TMEM63C: variants seen among roughly 807,000 people sequenced by gnomAD.
TMEM63C encodes the protein osmosensitive cation channel TMEM63C.
TMEM63C carries 32 observed loss-of-function variants against 99.2 expected under a neutral mutation model. That is an observed-to-expected ratio of 0.32 (90% CI 0.24 to 0.43). TMEM63C has a LOEUF of 0.43. TMEM63C is among the 20% of genes least tolerant of loss of function. The probability of loss-of-function intolerance (pLI) is 1.00; values close to 1 mark genes in which losing one functional copy is unlikely to be tolerated. For synonymous variants in TMEM63C, 376 were observed against 397.9 expected (o/e 0.94, Z 0.66); for missense variants, 826 against 1,053.0 (o/e 0.78, Z 2.98).
chr14:77,222,631 A>G (rs1594859273), intron 5 of TMEM63C, among the ~76,000 whole-genome samples: 2 of 152,058 alleles, frequency 1.3e-5, no homozygotes, highest in African/African-American at 4.8e-5. Context: ...CTGCCACATG[A>G]GTCCACCGTT....
chr14:77,187,565 T>G (rs147191899), intron 1 of TMEM63C, among the ~76,000 whole-genome samples: 3 of 152,206 alleles, frequency 2.0e-5, no homozygotes, highest in Non-Finnish European at 4.4e-5. Flanking sequence ...CAGCTTGTGC[T>G]GCACGGAGCA....
At chr14:77,253,936 C>T (rs954412807) in intron 23 of TMEM63C, among the ~76,000 whole-genome samples, 3 of 152,160 alleles carry the variant, frequency 2.0e-5, no homozygotes, top group Admixed American at 6.5e-5. Context: ...AGCACCCACC[C>T]GCATCCCTGC....
intron 3 of TMEM63C, 114 bp downstream of exon 3, chr14:77,219,077 C>A: frequency 8.2e-7 from 1 of 1,225,106 alleles, no homozygotes; most frequent in Non-Finnish European, 1.1e-6. Flanking sequence ...AACATTGATA[C>A]AAACTGCCTG....
intron 1 of TMEM63C, among the ~76,000 whole-genome samples, chr14:77,193,769 A>G (rs561917135): frequency 1.3e-5 from 2 of 151,856 alleles, no homozygotes; most frequent in African/African-American, 4.8e-5. Flanking sequence ...GGGAGGCAGA[A>G]GTTGCAGTAA....
chr14:77,194,149 A>G (rs1423645157), intron 1 of TMEM63C, among the ~76,000 whole-genome samples: 1 of 152,260 alleles, frequency 6.6e-6, no homozygotes, highest in Admixed American at 6.5e-5. Flanking sequence ...ATCAACAAGG[A>G]CAGATTCACA....
At position 77,251,455 on chromosome 14, in the gene TMEM63C, G is replaced by A. The variant is rs1889359159; in HGVS notation, c.2039-334G>A. The stretch of plus-strand genomic sequence containing the variant: ...AAAGGTGTAGGTCAGAGATGGCGTT[G>A]GGGGCACTGGCAGAAATAGTCACTC... On this transcript the variant is annotated intron_variant, in intron 21 of 23. Coordinates refer to ENST00000298351, the MANE Select transcript of TMEM63C (RefSeq NM_020431.4). 1.3e-5 allele frequency among the ~76,000 whole-genome samples: 2 copies of A among 152,214 alleles called. 1 individual carries two copies. Among genetic ancestry groups the A allele is most frequent in the South Asian group, 4.1e-4 (2 of 4,830 alleles).
intron 2 of TMEM63C, among the ~76,000 whole-genome samples, chr14:77,218,053 T>C (rs189344472): frequency 2.5e-4 from 38 of 152,216 alleles, no homozygotes; most frequent in Admixed American, 5.9e-4. Context: ...AATAATTTAA[T>C]TGTACACCTT....
intron 5 of TMEM63C, 133 bp downstream of exon 5, chr14:77,220,220 C>A (rs1206359359): frequency 1.3e-5 from 11 of 816,082 alleles, no homozygotes; most frequent in African/African-American, 3.4e-5. Context: ...GGCAGTGTGA[C>A]CTTGAGCAAA....
chr14:77,206,843 GT>G (rs1237240106), intron 1 of TMEM63C, among the ~76,000 whole-genome samples: 2 of 152,184 alleles, frequency 1.3e-5, no homozygotes, highest in African/African-American at 4.8e-5. Context: ...AGAAAAAAAT[GT>G]TAAGGACTGT....
intron 1 of TMEM63C, among the ~76,000 whole-genome samples, chr14:77,183,962 C>T (rs1594845624): frequency 1.3e-5 from 2 of 152,334 alleles, no homozygotes; most frequent in East Asian, 3.9e-4. Flanking sequence ...TGGTGAGAAC[C>T]AGACTTAAAG....
chr14:77,185,816 C>T (rs767407976), intron 1 of TMEM63C, among the ~76,000 whole-genome samples: 5 of 152,120 alleles, frequency 3.3e-5, no homozygotes, highest in Non-Finnish European at 7.3e-5. Flanking sequence ...ACTTCACTTC[C>T]GTGAGTCTTC....
At chr14:77,237,711 A>T (rs1437290936) in intron 9 of TMEM63C, among the ~76,000 whole-genome samples, 1 of 152,250 alleles carries the variant, frequency 6.6e-6, no homozygotes, top group Non-Finnish European at 1.5e-5. Flanking sequence ...GAGCAGTCGC[A>T]GTATTTGAAG....
chr14:77,256,823 C>T lies in TMEM63C; in HGVS notation c.*97C>T, dbSNP rs1471663901. On this transcript the variant is annotated 3_prime_UTR_variant, in exon 24 of 24. Transcript: ENST00000298351. ...GTGGCCTGGACCTCCCCACTACCTCCTGCAGACTTTGAGAAGCCCACAGTG... is the reference window on the plus strand; with the variant it reads ...GTGGCCTGGACCTCCCCACTACCTCTTGCAGACTTTGAGAAGCCCACAGTG... 12 of 1,183,988 alleles carry T rather than the reference C, an allele frequency of 1.0e-5. 1 individual carries two copies. Among genetic ancestry groups the T allele is most frequent in the Middle Eastern group, 2.8e-4 (1 of 3,620 alleles). The allele number at this position is 1,183,988 out of a possible 1,614,324, so 73.3% of individuals were successfully genotyped here.
Position 77,230,201 on chromosome 14 carries a change from CA to C in TMEM63C, c.351-1373del, listed in dbSNP as rs55863810. 3.3e-3 allele frequency among the ~76,000 whole-genome samples: 459 copies of C among 138,250 alleles called. 1 individual carries two copies. Among genetic ancestry groups the C allele is most frequent in the African/African-American group, 4.8e-3 (181 of 37,494 alleles). 90.7% of individuals were successfully genotyped at this position (138,250 alleles called of 152,430 possible). A position where few individuals can be genotyped will look rare whatever the true frequency, so the allele number is the denominator to read the frequency against. On this transcript the variant is annotated intron_variant, in intron 6 of 23. Coordinates refer to ENST00000298351, the MANE Select transcript of TMEM63C (RefSeq NM_020431.4). ...TGGGCAACAGAGCAAGACTCTGTCT[CA>C]AAAAAAAAAAAAATGTACAGCTCAG...
Position 77,220,042 on chromosome 14 carries a change from G to T in TMEM63C, c.267G>T (p.Lys89Asn). 6.4e-7 allele frequency: 1 copy of T among 1,562,636 alleles called. No individual in the cohort carries two copies. Among genetic ancestry groups the T allele is most frequent in the Non-Finnish European group, 8.7e-7 (1 of 1,153,342 alleles). Residue 89 changes from lysine (K) to asparagine (N), a missense_variant, in exon 5 of 24, where the codon AAG (lysine) becomes AAT (asparagine). Transcript: ENST00000298351. Reference protein sequence around the residue: ...TSLIYGEQSEKTSPSETSLEM... With the variant: ...TSLIYGEQSENTSPSETSLEM... Reference sequence around the variant, plus strand: ...TGATCTATGGGGAGCAGAGCGAGAAGACATCTCCCTCGGAGACTTCCTTGG... The same window carrying T: ...TGATCTATGGGGAGCAGAGCGAGAATACATCTCCCTCGGAGACTTCCTTGG...
chr14:77,188,059 G>A (rs143119419), intron 1 of TMEM63C, among the ~76,000 whole-genome samples: 4 of 152,278 alleles, frequency 2.6e-5, no homozygotes, highest in Non-Finnish European at 5.9e-5. Context: ...AATCAAACGT[G>A]CCCTGGACTG....
chr14:77,218,843 A>T lies in TMEM63C; in HGVS notation c.30A>T (p.Thr10=). 2 of 1,613,566 alleles carry T rather than the reference A, an allele frequency of 1.2e-6. No homozygotes were observed. The highest frequency in any genetic ancestry group is 1.7e-6 in the Non-Finnish European group (2 of 1,179,758). ...CTGCCTCACCAGACGACCTGAGTAC[A>T]GGGGGAAGGTTACAGAACATGACAG... is the stretch of plus-strand genomic sequence containing the variant. MSASPDDLS[T]GGRLQNMTVD... Residue 10 remains threonine, a synonymous_variant, in exon 3 of 24, where the codon ACA becomes ACT. Coordinates refer to ENST00000298351, the MANE Select transcript of TMEM63C (RefSeq NM_020431.4).
intron 1 of TMEM63C, among the ~76,000 whole-genome samples, chr14:77,198,701 T>G (rs879410545): frequency 1.3e-5 from 2 of 151,996 alleles, no homozygotes; most frequent in Non-Finnish European, 2.9e-5. Flanking sequence ...ATAGTGGTGG[T>G]TTTTGGCAGG....
intron 1 of TMEM63C, among the ~76,000 whole-genome samples, chr14:77,185,752 G>A (rs553360681): frequency 1.3e-5 from 2 of 152,276 alleles, no homozygotes; most frequent in East Asian, 3.9e-4. Context: ...ACATGGACAC[G>A]CTGCCTGGGG....
Sources: allele counts gnomAD v4.1 joint callset (sites outside exome capture counted in the v4.1 genomes callset), GRCh38; gene constraint gnomAD v4.1.1; transcripts MANE v1.5; gene names NCBI Gene and HGNC (gene_info 2026-07-23, HGNC 2026-07-21).